Variants in TAFA4 observed in about 807,000 individuals in gnomAD.
TAFA4 encodes the protein chemokine-like protein TAFA-4.
Under a neutral mutation model 21.1 loss-of-function variants are expected in TAFA4, and 20 were observed. The observed-to-expected ratio is 0.95, with a 90% confidence interval of 0.67 to 1.38. The LOEUF (loss-of-function observed/expected upper bound fraction) is 1.38. Among genes scored for constraint, TAFA4 ranks in the 40% most tolerant of loss-of-function variants. TAFA4 has a pLI of 0.00. For synonymous variants in TAFA4, 71 were observed against 67.4 expected (o/e 1.05, Z -0.26); for missense variants, 211 against 180.9 (o/e 1.17, Z -0.95).
At chr3:68,748,934 C>G (rs1472553307) in intron 4 of TAFA4, among the ~76,000 whole-genome samples, 1 of 152,186 alleles carries the variant, frequency 6.6e-6, no homozygotes, top group Non-Finnish European at 1.5e-5. Context: ...AACCATTCAG[C>G]ATTATCTCTA....
At chr3:68,842,705 T>G (rs1247167320) in intron 3 of TAFA4, among the ~76,000 whole-genome samples, 3 of 152,214 alleles carry the variant, frequency 2.0e-5, no homozygotes, top group African/African-American at 7.2e-5. Flanking sequence ...TAATCCATCT[T>G]GAGTTAATTT....
At chr3:68,920,065 T>C (rs2090043011) in intron 1 of TAFA4, among the ~76,000 whole-genome samples, 1 of 152,238 alleles carries the variant, frequency 6.6e-6, no homozygotes, top group African/African-American at 2.4e-5. Flanking sequence ...GGTATCATCA[T>C]ACTCTCTGTA....
intron 3 of TAFA4, among the ~76,000 whole-genome samples, chr3:68,814,934 C>T (rs948401726): frequency 3.3e-5 from 5 of 152,120 alleles, no homozygotes; most frequent in Admixed American, 6.6e-5. Flanking sequence ...CTACAGTAAC[C>T]AAAACAGCAT....
intron 3 of TAFA4, among the ~76,000 whole-genome samples, chr3:68,782,779 A>G (rs943521020): frequency 6.6e-6 from 1 of 152,182 alleles, no homozygotes; most frequent in Non-Finnish European, 1.5e-5. Context: ...AAAGCATATG[A>G]GATTTCCCTT....
intron 1 of TAFA4, among the ~76,000 whole-genome samples, chr3:68,906,319 T>C (rs1247949061): frequency 2.0e-5 from 3 of 152,252 alleles, no homozygotes; most frequent in Admixed American, 6.5e-5. Context: ...ACCTTGCCAG[T>C]TGACTGCTTT....
chr3:68,758,381 C>T (rs186253534), intron 3 of TAFA4, among the ~76,000 whole-genome samples: 2 of 152,292 alleles, frequency 1.3e-5, no homozygotes, highest in Admixed American at 1.3e-4. Flanking sequence ...AGGTAATTGA[C>T]TCATGGGCAC....
At position 68,890,356 on chromosome 3, in the gene TAFA4, G is replaced by A. The variant is rs935276174; in HGVS notation, c.-122-5046C>T. ...TATACCAAATTAAGACATTACATAC[G>A]TACTTAAAAGCCTTCAGTTTATAAA... On this transcript the variant is annotated intron_variant, in intron 1 of 5. Coordinates refer to ENST00000295569, the MANE Select transcript of TAFA4 (RefSeq NM_182522.5). Among the ~76,000 whole-genome samples, 10 of 152,048 alleles carry A rather than the reference G, an allele frequency of 6.6e-5. No homozygotes were observed. The South Asian group carries it at 1.2e-3, about 19-fold the overall frequency.
intron 3 of TAFA4, among the ~76,000 whole-genome samples, chr3:68,855,861 C>T (rs910140819): frequency 6.6e-6 from 1 of 152,024 alleles, no homozygotes; most frequent in Admixed American, 6.6e-5. Flanking sequence ...GCGTGACTTC[C>T]ACAAAGGTAC....
chr3:68,902,983 T>C (rs1168228569), intron 1 of TAFA4, among the ~76,000 whole-genome samples: 1 of 149,704 alleles, frequency 6.7e-6, no homozygotes, highest in Non-Finnish European at 1.5e-5. Flanking sequence ...AATGGCCATT[T>C]CTATAATAGA....
chr3:68,839,487 G>A (rs1248894433), intron 3 of TAFA4, among the ~76,000 whole-genome samples: 3 of 152,148 alleles, frequency 2.0e-5, no homozygotes, highest in Non-Finnish European at 2.9e-5. Context: ...TGTAGTCAAG[G>A]CAGGTATGAC....
intron 3 of TAFA4, among the ~76,000 whole-genome samples, chr3:68,865,481 A>C (rs2089405049): frequency 6.6e-6 from 1 of 152,044 alleles, no homozygotes; most frequent in Non-Finnish European, 1.5e-5. Context: ...ATGGTTTTAT[A>C]AAGGGCAGTT....
chr3:68,766,532 G>C (rs1559514114), intron 3 of TAFA4, among the ~76,000 whole-genome samples: 1 of 146,002 alleles, frequency 6.8e-6, no homozygotes, highest in Non-Finnish European at 1.5e-5. Context: ...TTTTTTAATA[G>C]CTAAAATCAA....
At chr3:68,876,985 T>C (rs2089556452) in intron 3 of TAFA4, among the ~76,000 whole-genome samples, 1 of 152,140 alleles carries the variant, frequency 6.6e-6, no homozygotes, top group Non-Finnish European at 1.5e-5. Context: ...CCGAAGAGGT[T>C]TCATAACTTG....
chr3:68,904,374 A>C (rs2089876630), intron 1 of TAFA4, among the ~76,000 whole-genome samples: 2 of 152,242 alleles, frequency 1.3e-5, no homozygotes, highest in African/African-American at 4.8e-5. Flanking sequence ...AGCTGTGAGA[A>C]AAAGGAGATG....
chr3:68,906,885 G>T (rs1559559658), intron 1 of TAFA4, among the ~76,000 whole-genome samples: 1 of 151,922 alleles, frequency 6.6e-6, no homozygotes, highest in African/African-American at 2.4e-5. Context: ...CAAAATATTA[G>T]CTGGGCATGG....
chr3:68,771,066 C>T (rs774875766), intron 3 of TAFA4, among the ~76,000 whole-genome samples: 39 of 152,030 alleles, frequency 2.6e-4, no homozygotes, highest in Non-Finnish European at 5.1e-4. Flanking sequence ...GAGTCCAGCC[C>T]CTGGGTGGCC....
At chr3:68,895,559 T>G (rs2089780459) in intron 1 of TAFA4, among the ~76,000 whole-genome samples, 1 of 152,186 alleles carries the variant, frequency 6.6e-6, no homozygotes, top group Non-Finnish European at 1.5e-5. Context: ...ACAGAACTCA[T>G]GTAGAGAAAA....
intron 1 of TAFA4, among the ~76,000 whole-genome samples, chr3:68,903,859 G>A (rs1287236239): frequency 6.6e-6 from 1 of 152,100 alleles, no homozygotes; most frequent in Non-Finnish European, 1.5e-5. Context: ...ATCCTCAGAG[G>A]TGACAAAACT....
intron 4 of TAFA4, among the ~76,000 whole-genome samples, chr3:68,741,802 A>G (rs1224704058): frequency 6.7e-6 from 1 of 150,266 alleles, no homozygotes; most frequent in African/African-American, 2.4e-5. Flanking sequence ...AAAAAAAAAT[A>G]AAAATAAAAA....
Sources: allele counts gnomAD v4.1 joint callset (sites outside exome capture counted in the v4.1 genomes callset), GRCh38; gene constraint gnomAD v4.1.1; transcripts MANE v1.5; gene names NCBI Gene and HGNC (gene_info 2026-07-23, HGNC 2026-07-21).